TRIM14: variants seen among roughly 807,000 people sequenced by gnomAD.
The protein encoded by TRIM14 is tripartite motif-containing protein 14.
A neutral mutation model predicts 44.5 loss-of-function variants in TRIM14; 28 were observed. The observed-to-expected ratio is 0.63, with a 90% confidence interval of 0.47 to 0.86. The LOEUF (loss-of-function observed/expected upper bound fraction) is 0.86, where lower values mean the gene tolerates loss of function less well. Ranked by LOEUF, TRIM14 falls within the 40% of genes least tolerant of loss-of-function variation. The pLI is 0.00. For missense variants in TRIM14, 607 were observed against 611.1 expected (o/e 0.99, Z 0.07); for synonymous variants, 299 against 269.2 (o/e 1.11, Z -1.08).
chr9:98,087,678 A>AGCGCTTG lies in TRIM14; in HGVS notation c.1120_1121insCAAGCGC (p.Phe374SerfsTer137). On this transcript the variant is annotated frameshift_variant, in exon 6 of 6. Coordinates refer to ENST00000341469, the MANE Select transcript of TRIM14 (RefSeq NM_014788.4). LOFTEE classifies it high-confidence loss of function. ...CAGGCGGCTGCGCTGGCCGTCGTGG[A>AGCGCTTG]AGGCCCAGTACTCAAGGTCGTAGCG... 6.2e-7 allele frequency: 1 copy of AGCGCTTG among 1,602,054 alleles called. No individual in the cohort carries two copies. The highest frequency in any genetic ancestry group is 8.5e-7 in the Non-Finnish European group (1 of 1,178,616).
intron 2 of TRIM14, among the ~76,000 whole-genome samples, chr9:98,104,716 T>G (rs1351860923): frequency 6.6e-6 from 1 of 152,102 alleles, no homozygotes; most frequent in Non-Finnish European, 1.5e-5. Context: ...GAGCAGGGTC[T>G]AAGGACTGTG....
At chr9:98,078,499 G>A in intron 6 of TRIM14, 1 of 1,114,708 alleles carries the variant, frequency 9.0e-7, no homozygotes, top group Non-Finnish European at 1.3e-6. Flanking sequence ...TTCGAGCTAA[G>A]CAGTTGAGGA....
At position 98,087,802 on chromosome 9, in the gene TRIM14, C is replaced by A. The variant is rs757984725; in HGVS notation, c.997G>T (p.Ala333Ser). The A allele has an allele frequency of 6.6e-7, 1 of 1,505,584 alleles. No homozygotes were observed. Among genetic ancestry groups the A allele is most frequent in the Admixed American group, 2.3e-5 (1 of 43,664 alleles). The allele number at this position is 1,505,584 out of a possible 1,614,324, so 93.3% of individuals were successfully genotyped here. ...YWEVDVQEAG[A>S]GWWVGAAYAS... Reference sequence around the variant, plus strand: ...TAGGCCGCGCCCACCCACCAGCCGGCGCCCGCCTCCTGCACGTCAACCTCC... The same window carrying A: ...TAGGCCGCGCCCACCCACCAGCCGGAGCCCGCCTCCTGCACGTCAACCTCC... Residue 333 changes from alanine to serine, a missense_variant, in exon 6 of 6, where the codon GCC becomes TCC. Ala to Ser is a moderately conservative substitution (Grantham distance 99). Coordinates refer to ENST00000341469, the MANE Select transcript of TRIM14 (RefSeq NM_014788.4).
At chr9:98,118,710 T>C (rs1827138618) in intron 1 of TRIM14, among the ~76,000 whole-genome samples, 1 of 152,212 alleles carries the variant, frequency 6.6e-6, no homozygotes, top group East Asian at 1.9e-4. Flanking sequence ...GTCAAGGACA[T>C]CTGGGTACCA....
At chr9:98,088,117 G>T in intron 5 of TRIM14, 112 bp from the exon 6 acceptor site, 1 of 1,232,174 alleles carries the variant, frequency 8.1e-7, no homozygotes, top group Non-Finnish European at 1.1e-6. Context: ...CGCGGAAATG[G>T]CCCAAGGAAG....
At chr9:98,088,088 CAAATCACAA>C (rs1490947752) in intron 5 of TRIM14, 83 bp from the exon 6 acceptor site, 11 of 1,350,174 alleles carry the variant, frequency 8.1e-6, no homozygotes, top group Non-Finnish European at 1.0e-5. Context: ...AACGCACGTG[CAAATCACAA>C]AATGCGAAGC....
the TRIM14 span, among the ~76,000 whole-genome samples, chr9:98,043,209 G>T: frequency 6.8e-6 from 1 of 147,734 alleles, no homozygotes; most frequent in Non-Finnish European, 1.5e-5. Context: ...ATGGAATCTC[G>T]CTCTATTGCC....
chr9:98,060,419 AG>A, the TRIM14 span, among the ~76,000 whole-genome samples: 19 of 152,178 alleles, frequency 1.2e-4, no homozygotes, highest in African/African-American at 4.3e-4. Flanking sequence ...CTGTAATCCC[AG>A]CACTTTGGGA....
chr9:98,057,920 T>G, the TRIM14 span, among the ~76,000 whole-genome samples: 1 of 110,580 alleles, frequency 9.0e-6, no homozygotes, highest in African/African-American at 4.0e-5. Context: ...TTTTTTTTCC[T>G]GGTTTTTTTT....
Position 98,078,236 on chromosome 9 carries a change from C to G in TRIM14, c.*29-8549G>C. On this transcript the variant is annotated intron_variant, in intron 6 of 6. Transcript: ENST00000375098. ...CCAGTGGGATGCAGTCAATGGACAC[C>G]ATGAAGCAAGTTTATCAGATCGTGA... The G allele has an allele frequency of 6.2e-7, 1 of 1,614,134 alleles. No homozygotes were observed.
At chr9:98,117,829 C>T (rs965439456) in intron 1 of TRIM14, among the ~76,000 whole-genome samples, 10 of 152,060 alleles carry the variant, frequency 6.6e-5, no homozygotes, top group African/African-American at 2.4e-4. Context: ...GGGGGATGGA[C>T]AAATGGATGG....
chr9:98,056,657 G>T, the TRIM14 span: 1 of 1,191,786 alleles, frequency 8.4e-7, no homozygotes, highest in Non-Finnish European at 1.1e-6. Context: ...AGAGAGGCGG[G>T]GCCTAGGGGA....
At chr9:98,083,007 C>T (rs1829956712), downstream of TRIM14, 2 of 1,613,978 alleles carry the variant, frequency 1.2e-6, no homozygotes, top group African/African-American at 1.3e-5. Context: ...AGGATGACAC[C>T]ATCATGGAAG....
At position 98,095,551 on chromosome 9, in the gene TRIM14, G is replaced by A. The variant is rs1301413542; in HGVS notation, c.538-522C>T. The stretch of plus-strand genomic sequence containing the variant: ...AGGTTCAGCTGCAGTGCTGACTGAG[G>A]GGGTGTGGCCACCGCAGGGGACATG... On this transcript the variant is annotated intron_variant, in intron 3 of 5. Transcript: ENST00000341469. This position sits in a 1 kb window ranked among gnomAD's most constrained non-coding sequence, Gnocchi z 4.1. Among the ~76,000 whole-genome samples, 2 of 152,214 alleles carry A rather than the reference G, an allele frequency of 1.3e-5. No individual in the cohort carries two copies. The highest frequency in any genetic ancestry group is 4.8e-5 in the African/African-American group (2 of 41,452).
intron 1 of TRIM14, among the ~76,000 whole-genome samples, chr9:98,113,007 G>A (rs113006286): frequency 2.0e-5 from 3 of 149,958 alleles, no homozygotes; most frequent in African/African-American, 4.9e-5. Flanking sequence ...CTAGCTACTC[G>A]GGAGGCTAAG....
intron 6 of TRIM14, among the ~76,000 whole-genome samples, chr9:98,073,991 G>A (rs369426232): frequency 1.9e-3 from 296 of 151,856 alleles, no homozygotes; most frequent in African/African-American, 6.9e-3. Context: ...TCGCCATGTT[G>A]CCTAGGCTGG....
chr9:98,056,721 C>T, the TRIM14 span: 4 of 1,504,832 alleles, frequency 2.7e-6, no homozygotes, highest in African/African-American at 1.4e-5. Context: ...GTGGGTCTCG[C>T]AGCGTTGCTC....
rs1173196324 is a variant in TRIM14 at position 98,084,881 on chromosome 9, G to T, written c.*2589C>A. ...TTTTAAGGCAAGTTTATAACCTTTGGCTCATTTGAGCCTCACAGCACTTGG... is the reference window on the plus strand; with the variant it reads ...TTTTAAGGCAAGTTTATAACCTTTGTCTCATTTGAGCCTCACAGCACTTGG... On this transcript the variant is annotated 3_prime_UTR_variant, in exon 6 of 6. Transcript: ENST00000341469. The T allele has an allele frequency of 6.6e-6, 1 of 152,098 alleles. No homozygotes were observed. Among genetic ancestry groups the T allele is most frequent in the African/African-American group, 2.4e-5 (1 of 41,390 alleles). The allele number at this position is 152,098 out of a possible 1,614,324, so 9.4% of individuals were successfully genotyped here.
chr9:98,061,047 A>C, the TRIM14 span: 2 of 1,582,124 alleles, frequency 1.3e-6, no homozygotes, highest in African/African-American at 2.7e-5. Context: ...ACCAAGGGTC[A>C]GCAGGCAGCC....
Sources: gnomAD v4.1 joint callset for allele counts (sites outside exome capture counted in the v4.1 genomes callset) on GRCh38, gnomAD v4.1.1 for gene constraint, Gnocchi (gnomAD v3.1) non-coding constraint, MANE v1.5 for transcripts, NCBI Gene and HGNC (gene_info 2026-07-23, HGNC 2026-07-21) for gene names.